HCK: variants seen among roughly 807,000 people sequenced by gnomAD.
The protein encoded by HCK is tyrosine-protein kinase HCK.
HCK carries 40 observed loss-of-function variants against 70.4 expected under a neutral mutation model. That is an observed-to-expected ratio of 0.57 (90% CI 0.44 to 0.74). The LOEUF (loss-of-function observed/expected upper bound fraction) is 0.74. Among genes scored for constraint, HCK ranks in the 30% least tolerant of loss-of-function variants. HCK has a pLI of 0.00. For synonymous variants in HCK, 245 were observed against 263.2 expected, an observed-to-expected ratio of 0.93 and a Z score of 0.67; for missense variants, 568 against 697.2, an observed-to-expected ratio of 0.81 and a Z score of 2.09.
intron 5 of HCK, among the ~76,000 whole-genome samples, chr20:32,079,494 A>G (rs148430914): frequency 2.8e-4 from 42 of 152,266 alleles, no homozygotes; most frequent in African/African-American, 9.9e-4. Context: ...TTAATGCTGT[A>G]TTATTTTTCT....
At chr20:32,092,516 T>A (rs908516897) in intron 10 of HCK, among the ~76,000 whole-genome samples, 3 of 152,180 alleles carry the variant, frequency 2.0e-5, no homozygotes, top group African/African-American at 7.2e-5. Context: ...TGAATAAGAA[T>A]CCTCCACGCA....
intron 1 of HCK, among the ~76,000 whole-genome samples, chr20:32,067,531 C>CTTTTTTTT (rs11482239): frequency 5.4e-5 from 6 of 110,318 alleles, no homozygotes; most frequent in African/African-American, 1.1e-4. Context: ...GATGCTTTTA[C>CTTTTTTTT]TTTTTTTTTT....
At chr20:32,096,852 C>T (rs770557816) in intron 11 of HCK, among the ~76,000 whole-genome samples, 45 of 151,878 alleles carry the variant, frequency 3.0e-4, no homozygotes, top group Non-Finnish European at 4.7e-4. Context: ...CAGAAAGGAG[C>T]GTTCTGAAAT....
intron 12 of HCK, 133 bp downstream of exon 12, chr20:32,099,268 T>C: frequency 1.1e-6 from 1 of 887,136 alleles, no homozygotes; most frequent in Non-Finnish European, 1.7e-6. Flanking sequence ...CTGTCTTAGT[T>C]AAAGGCACCT....
chr20:32,060,582 C>G (rs535081793), intron 1 of HCK, among the ~76,000 whole-genome samples: 1 of 152,170 alleles, frequency 6.6e-6, no homozygotes, highest in African/African-American at 2.4e-5. Flanking sequence ...CTGGGGGCAT[C>G]CAGCAGACTA....
rs371761519 is a variant in HCK, at chr20:32,087,338, C to T, written c.1015+531C>T. 1.3e-4 allele frequency among the ~76,000 whole-genome samples: 20 copies of T among 152,162 alleles called. 1 individual carries two copies. The highest frequency in any genetic ancestry group is 4.6e-4 in the African/African-American group (19 of 41,506). ...TGTTTTTTAGGGACAGGAACTTGCTCTGTTACTCAGGCTGGAGTGCAGAGG... is the reference window on the plus strand; with the variant it reads ...TGTTTTTTAGGGACAGGAACTTGCTTTGTTACTCAGGCTGGAGTGCAGAGG... On this transcript the variant is annotated intron_variant, in intron 9 of 12. Coordinates refer to ENST00000375852, the MANE Select transcript of HCK (RefSeq NM_002110.5).
chr20:32,067,141 A>G (rs1359366994), intron 1 of HCK, among the ~76,000 whole-genome samples: 2 of 152,174 alleles, frequency 1.3e-5, no homozygotes, highest in Non-Finnish European at 2.9e-5. Context: ...TTTTCACCCA[A>G]TAAGTATTTT....
At chr20:32,052,796 GATTTTTTTT>G (rs772959210) in intron 1 of HCK, among the ~76,000 whole-genome samples, 1,243 of 110,000 alleles carry the variant, frequency 0.011, 66 homozygotes, top group Non-Finnish European at 0.014. Context: ...GGGGGGCGGG[GATTTTTTTT>G]TTAATTTAAA....
chr20:32,060,358 T>TTA lies in HCK; in HGVS notation c.62+7873_62+7874dup, dbSNP rs1568958470. 5.9e-5 allele frequency among the ~76,000 whole-genome samples: 9 copies of TTA among 152,232 alleles called. No homozygotes were observed. In the South Asian group the frequency reaches 1.9e-3, roughly 32 times the overall value. On this transcript the variant is annotated intron_variant, in intron 1 of 12. Coordinates refer to ENST00000375852, the MANE Select transcript of HCK (RefSeq NM_002110.5). ...GCCTTAGCCTCCCAAGTAGCTGGGA[T>TTA]TACAGGCACCCACTACCACGCCCAG...
At chr20:32,076,955 G>A (rs774659315) in intron 5 of HCK, among the ~76,000 whole-genome samples, 8 of 152,016 alleles carry the variant, frequency 5.3e-5, no homozygotes, top group Non-Finnish European at 7.4e-5. Flanking sequence ...GTGTGATGGC[G>A]GGCTCCTGTA....
intron 10 of HCK, 46 bp downstream of exon 10, chr20:32,088,690 T>A: frequency 6.8e-7 from 1 of 1,477,806 alleles, no homozygotes. Flanking sequence ...GGAATTCGAT[T>A]TTTTTACTTG....
chr20:32,072,814 G>A (rs1043101769), intron 2 of HCK, among the ~76,000 whole-genome samples: 5 of 151,940 alleles, frequency 3.3e-5, no homozygotes, highest in East Asian at 1.9e-4. Flanking sequence ...ACCGAAGGCC[G>A]AGGTCACAGC....
chr20:32,099,218 T>C, intron 12 of HCK, 83 bp downstream of exon 12: 1 of 1,435,036 alleles, frequency 7.0e-7, no homozygotes. Flanking sequence ...CCATTCAAAC[T>C]GAGTTCTTGA....
At chr20:32,062,963 CG>C (rs1380194164) in intron 1 of HCK, among the ~76,000 whole-genome samples, 1 of 152,164 alleles carries the variant, frequency 6.6e-6, no homozygotes, top group African/African-American at 2.4e-5. Context: ...GGGCCCCCAG[CG>C]GTCTGCCTTC....
intron 1 of HCK, among the ~76,000 whole-genome samples, chr20:32,059,909 A>G (rs897452613): frequency 1.3e-5 from 2 of 152,226 alleles, no homozygotes; most frequent in Non-Finnish European, 2.9e-5. Context: ...CCTTCAAAAA[A>G]TAAAAGAAAC....
chr20:32,084,022 G>A lies in HCK; in HGVS notation c.661G>A (p.Glu221Lys), dbSNP rs2045745017. The change falls in exon 7 of 13, where the codon GAG (glutamate) becomes AAG (lysine). Residue 221 changes from glutamate to lysine, a missense_variant. By Grantham distance (56) the Glu-to-Lys change is moderately conservative. This residue lies in a region of HCK where 318 missense variants were observed against 336.0 expected (regional missense o/e 0.95). Transcript: ENST00000375852. ...CCGAAGCACCTTCAGCACTCTGCAGGAGCTGGTGGACCACTACAAGAGTGA... is the reference window on the plus strand; with the variant it reads ...CCGAAGCACCTTCAGCACTCTGCAGAAGCTGGTGGACCACTACAAGAGTGA... 6.2e-7 allele frequency: 1 copy of A among 1,613,772 alleles called. No homozygotes were observed. Among genetic ancestry groups the A allele is most frequent in the Admixed American group, 1.7e-5 (1 of 60,000 alleles).
intron 9 of HCK, among the ~76,000 whole-genome samples, chr20:32,088,274 C>G (rs1372607975): frequency 6.6e-6 from 1 of 152,134 alleles, no homozygotes; most frequent in Non-Finnish European, 1.5e-5. Context: ...AAACCTCAAG[C>G]CTTTTTCATT....
At position 32,086,758 on chromosome 20, in the gene HCK, G is replaced by A. The variant is rs753427437; in HGVS notation, c.966G>A (p.Ala322=). 14 of 1,603,626 alleles carry A rather than the reference G, an allele frequency of 8.7e-6. No individual in the cohort carries two copies. Among genetic ancestry groups the A allele is most frequent in the Middle Eastern group, 1.7e-4 (1 of 6,026 alleles). ...ATGACAAGCTGGTCAAACTTCATGCGGTGGTCACCAAGGAGCCCATCTACA... is the reference window on the plus strand; with the variant it reads ...ATGACAAGCTGGTCAAACTTCATGCAGTGGTCACCAAGGAGCCCATCTACA... The change falls in exon 9 of 13, where the codon GCG becomes GCA. Residue 322 remains alanine, a synonymous_variant. Transcript: ENST00000375852.
chr20:32,076,734 G>C lies in HCK; in HGVS notation c.428+2013G>C, dbSNP rs139063978. On this transcript the variant is annotated intron_variant, in intron 5 of 12. Coordinates refer to ENST00000375852, the MANE Select transcript of HCK (RefSeq NM_002110.5). ...ATGTGCATTTCTAACAGGTTCTTGG[G>C]TGAGGCAGCTGCTGCTGCTGCTGCT... Among the ~76,000 whole-genome samples, 526 of 152,190 alleles carry C rather than the reference G, an allele frequency of 3.5e-3. 1 individual carries two copies. Among genetic ancestry groups the C allele is most frequent in the African/African-American group, 0.012 (496 of 41,492 alleles).
Sources: allele counts gnomAD v4.1 joint callset (sites outside exome capture counted in the v4.1 genomes callset), GRCh38; gene constraint gnomAD v4.1.1; regional missense constraint gnomAD v4.1.1; transcripts MANE v1.5; gene names NCBI Gene and HGNC (gene_info 2026-07-23, HGNC 2026-07-21).